ZNF839: variants seen among roughly 807,000 people sequenced by gnomAD.
ZNF839 encodes renal carcinoma antigen NY-REN-50.
A neutral mutation model predicts 56.4 loss-of-function variants in ZNF839; 38 were observed. That is an observed-to-expected ratio of 0.67 (90% CI 0.52 to 0.88). ZNF839 has a LOEUF of 0.88. Among genes scored for constraint, ZNF839 ranks in the 40% least tolerant of loss-of-function variants. The pLI is 0.00. For missense variants in ZNF839, 1,091 were observed against 1,177.6 expected (o/e 0.93, Z 1.08); for synonymous variants, 486 against 493.5 (o/e 0.98, Z 0.20).
rs2073345848 is a variant in ZNF839 at position 102,325,187 on chromosome 14, T to C, written c.289-798T>C. 2.0e-5 allele frequency among the ~76,000 whole-genome samples: 3 copies of C among 151,900 alleles called. No individual in the cohort carries two copies. In the South Asian group the frequency reaches 6.2e-4, roughly 32 times the overall value. ...CCTGGCCAACATGGTGAAACCCGTCTCTACCAAAAAATACAAAAATTAGCT... is the reference window on the plus strand; with the variant it reads ...CCTGGCCAACATGGTGAAACCCGTCCCTACCAAAAAATACAAAAATTAGCT... On this transcript the variant is annotated intron_variant, in intron 1 of 7. Coordinates refer to ENST00000442396, the MANE Select transcript of ZNF839 (RefSeq NM_018335.6).
At chr14:102,337,129 C>T (rs1455448684) in intron 5 of ZNF839, 1 of 152,012 alleles carries the variant, frequency 6.6e-6, no homozygotes, top group Non-Finnish European at 1.5e-5. Context: ...ATTTCAGTGT[C>T]ATTGTTATTA....
intron 1 of ZNF839, among the ~76,000 whole-genome samples, chr14:102,322,897 A>C (rs993832596): frequency 2.6e-5 from 4 of 152,226 alleles, no homozygotes; most frequent in African/African-American, 9.6e-5. Context: ...ATGCGCAGTC[A>C]ATCTCGTTGT....
Position 102,326,902 on chromosome 14 carries a change from T to G in ZNF839, c.1191+15T>G. 1 of 1,567,238 alleles carries G rather than the reference T, an allele frequency of 6.4e-7. No homozygotes were observed. The highest frequency in any genetic ancestry group is 8.7e-7 in the Non-Finnish European group (1 of 1,155,376). ...GTGGCCTGCAGGTAATGTTTCTGTC[T>G]GGGTATGTGTCTTTTTATTTGGCCG... On this transcript the variant is annotated intron_variant, in intron 2 of 7. Transcript: ENST00000442396. This position sits in a 1 kb window ranked among gnomAD's most constrained non-coding sequence, Gnocchi z 4.3.
At chr14:102,328,973 CTTT>C (rs201814671) in intron 2 of ZNF839, among the ~76,000 whole-genome samples, 1 of 142,184 alleles carries the variant, frequency 7.0e-6, no homozygotes, top group Non-Finnish European at 1.5e-5. Context: ...CTGCTTTCTT[CTTT>C]TTTTTTTTTT....
intron 3 of ZNF839, among the ~76,000 whole-genome samples, chr14:102,333,281 G>A (rs1161644248): frequency 1.5e-5 from 1 of 65,508 alleles, no homozygotes; most frequent in African/African-American, 5.9e-5. Flanking sequence ...TTTTTTTTTT[G>A]AGAGAGGGTC....
At chr14:102,338,540 A>G (rs911867757) in intron 5 of ZNF839, among the ~76,000 whole-genome samples, 9 of 113,902 alleles carry the variant, frequency 7.9e-5, no homozygotes, top group Middle Eastern at 4.7e-3. Flanking sequence ...TCTGTCTCAG[A>G]AAAAAAAAAA....
In ZNF839 at chr14:102,320,062, T is replaced by C. The variant is rs375856579; in HGVS notation, c.288+9T>C. On this transcript the variant is annotated intron_variant, in intron 1 of 7. Coordinates refer to ENST00000442396, the MANE Select transcript of ZNF839 (RefSeq NM_018335.6). ...GCCTGCTCCCGCCCCAGGTGAGGCG[T>C]CGGGAGGGACGTGGGGAAACTGAGG... 382 of 1,181,224 alleles carry C rather than the reference T, an allele frequency of 3.2e-4. 5 individuals are homozygous for C. In the South Asian group the frequency reaches 0.014, roughly 44 times the overall value. 73.2% of individuals were successfully genotyped at this position (1,181,224 alleles called of 1,614,324 possible). A position where few individuals can be genotyped will look rare whatever the true frequency, so the allele number is the denominator to read the frequency against.
chr14:102,324,241 C>T (rs567883046), intron 1 of ZNF839, among the ~76,000 whole-genome samples: 1 of 152,136 alleles, frequency 6.6e-6, no homozygotes, highest in South Asian at 2.1e-4. Flanking sequence ...ACTAAAAACT[C>T]CAAGCAAAAA....
chr14:102,339,625 G>A (rs1229092911), intron 7 of ZNF839, among the ~76,000 whole-genome samples: 6 of 152,098 alleles, frequency 3.9e-5, no homozygotes, highest in Non-Finnish European at 2.9e-5. Flanking sequence ...GCGTGTGCCT[G>A]TAATCCCAGC....
chr14:102,332,068 G>GT lies in ZNF839; in HGVS notation c.1416+226dup, dbSNP rs1451709763. Among the ~76,000 whole-genome samples, 8 of 152,112 alleles carry GT rather than the reference G, an allele frequency of 5.3e-5. No individual in the cohort carries two copies. The highest frequency in any genetic ancestry group is 1.2e-4 in the Non-Finnish European group (8 of 68,024). On this transcript the variant is annotated intron_variant, in intron 3 of 7. Transcript: ENST00000442396. This position sits in a 1 kb window ranked among gnomAD's most constrained non-coding sequence, Gnocchi z 4.9. Reference sequence around the variant, plus strand: ...CTCCAAAAGCTGCTTGACTTGATAAGTTTTGGAATAATTATAACCTGTGTT... The same window carrying GT: ...CTCCAAAAGCTGCTTGACTTGATAAGTTTTTGGAATAATTATAACCTGTGTT...
chr14:102,328,354 CAAAAAAAAAA>C (rs1158691824), intron 2 of ZNF839, among the ~76,000 whole-genome samples: 3 of 28,894 alleles, frequency 1.0e-4, no homozygotes, highest in African/African-American at 3.5e-4. Flanking sequence ...AACTCCATCT[CAAAAAAAAAA>C]AAAAAAAAAA....
chr14:102,339,984 T>G (rs966147624), intron 7 of ZNF839, among the ~76,000 whole-genome samples: 4 of 152,008 alleles, frequency 2.6e-5, no homozygotes, highest in Non-Finnish European at 5.9e-5. Context: ...TATAAATTTT[T>G]TTTTTGAGAC....
intron 3 of ZNF839, among the ~76,000 whole-genome samples, chr14:102,334,106 T>C (rs1242282060): frequency 1.3e-5 from 2 of 152,230 alleles, no homozygotes; most frequent in African/African-American, 4.8e-5. Flanking sequence ...CCAAGGCACC[T>C]TCCTAAAACC....
At position 102,332,505 on chromosome 14, in the gene ZNF839, T is replaced by A. The variant is rs2073834027; in HGVS notation, c.1416+659T>A. 6.6e-6 allele frequency among the ~76,000 whole-genome samples: 1 copy of A among 152,166 alleles called. No individual in the cohort carries two copies. Among genetic ancestry groups the A allele is most frequent in the Admixed American group, 6.5e-5 (1 of 15,270 alleles). On this transcript the variant is annotated intron_variant, in intron 3 of 7. Transcript: ENST00000442396. The surrounding 1 kb of genome is among the most constrained non-coding windows in gnomAD (Gnocchi z 4.9). ...TATTAATTTATACATTTACTGGGTG[T>A]CCATCAAGTATCAGTCCCTGTTCTA...
At chr14:102,325,517 A>G (rs1268400543) in intron 1 of ZNF839, among the ~76,000 whole-genome samples, 1 of 151,962 alleles carries the variant, frequency 6.6e-6, no homozygotes, top group Non-Finnish European at 1.5e-5. Context: ...TGTTTTTTTC[A>G]GATGGAGTCT....
At chr14:102,339,046 G>C (rs1382386004) in intron 6 of ZNF839, 48 bp from the exon 7 acceptor site, 1 of 1,613,200 alleles carries the variant, frequency 6.2e-7, no homozygotes, top group Admixed American at 1.7e-5. Context: ...GGAGGTAGCG[G>C]TTTGCCTATT....
chr14:102,339,951 C>T (rs564502531), intron 7 of ZNF839, among the ~76,000 whole-genome samples: 144 of 152,180 alleles, frequency 9.5e-4, no homozygotes, highest in African/African-American at 3.3e-3. Flanking sequence ...AACCTATCAA[C>T]TAGGCACTTA....
At position 102,339,098 on chromosome 14, in the gene ZNF839, CGGA is replaced by C. The variant is rs1425611650; in HGVS notation, c.1808_1810del (p.Glu603del). On this transcript the variant is annotated inframe_deletion, in exon 7 of 8. Transcript: ENST00000442396. ...GATTGGGTCTTCTCTTCACAGGCTG[CGGA>C]GGAGGGACTGGCCTCAGTGAAAAGG... 6.2e-7 allele frequency: 1 copy of C among 1,613,642 alleles called. No individual in the cohort carries two copies.
Position 102,341,539 on chromosome 14 carries a change from T to C in ZNF839, c.2144T>C (p.Leu715Pro). The change falls in exon 8 of 8, where the codon CTG (leucine) becomes CCG (proline). Residue 715 changes from leucine (L) to proline (P), a missense_variant. Coordinates refer to ENST00000442396, the MANE Select transcript of ZNF839 (RefSeq NM_018335.6). ...GCTCAGTCAGGAGAGCCTAGGAGGC[T>C]GACCCAGGCACAGGTGGCAGCGTTT... The part of the protein sequence containing the change: ...VYAQSGEPRR[L>P]TQAQVAAFPG... The C allele has an allele frequency of 6.2e-7, 1 of 1,611,306 alleles. No individual in the cohort carries two copies. Among genetic ancestry groups the C allele is most frequent in the Non-Finnish European group, 8.5e-7 (1 of 1,178,356 alleles).
Sources: gnomAD v4.1 joint callset for allele counts (sites outside exome capture counted in the v4.1 genomes callset) on GRCh38, gnomAD v4.1.1 for gene constraint, Gnocchi (gnomAD v3.1) non-coding constraint, MANE v1.5 for transcripts, NCBI Gene and HGNC (gene_info 2026-07-23, HGNC 2026-07-21) for gene names.